Variants in CELF2 observed in about 807,000 individuals in gnomAD.
The protein encoded by CELF2 is CUG triplet repeat RNA-binding protein 2.
CELF2 carries 8 observed loss-of-function variants against 62.6 expected under a neutral mutation model. The ratio of observed to expected loss-of-function variants is 0.13; its 90% CI spans 0.07 to 0.23. The LOEUF (loss-of-function observed/expected upper bound fraction) is 0.23. Among genes scored for constraint, CELF2 ranks in the 10% least tolerant of loss-of-function variants. The probability of loss-of-function intolerance (pLI) is 1.00; values close to 1 mark genes in which losing one functional copy is unlikely to be tolerated. For synonymous variants in CELF2, 258 were observed against 250.0 expected, an observed-to-expected ratio of 1.03 and a Z score of -0.30; for missense variants, 333 against 671.0, an observed-to-expected ratio of 0.50 and a Z score of 5.56.
chr10:11,071,482 G>A (rs1351197185), intron 1 of CELF2: 1 of 152,166 alleles, frequency 6.6e-6, no homozygotes. Flanking sequence ...CACATTTCCT[G>A]ACTTATCTTC....
Position 11,156,303 on chromosome 10 carries a change from C to T in CELF2, c.75-9183C>T, listed in dbSNP as rs192625238. Among the ~76,000 whole-genome samples, 244 of 152,240 alleles carry T rather than the reference C, an allele frequency of 1.6e-3. No individual in the cohort carries two copies. Among genetic ancestry groups the T allele is most frequent in the African/African-American group, 5.1e-3 (210 of 41,540 alleles). ...TTAATAGTGGCGACAGATCACATGA[C>T]GTGTGATTTAATTTTACTGCTTTGA... On this transcript the variant is annotated intron_variant, in intron 1 of 12. Transcript: ENST00000633077. This position sits in a 1 kb window ranked among gnomAD's most constrained non-coding sequence, Gnocchi z 4.3.
chr10:10,998,109 C>G (rs1043612170), intron 2 of CELF2, among the ~76,000 whole-genome samples: 2 of 152,318 alleles, frequency 1.3e-5, no homozygotes, highest in East Asian at 3.9e-4. Context: ...GATTGTGAGG[C>G]CTCCTCAGCC....
intron 1 of CELF2, among the ~76,000 whole-genome samples, chr10:11,056,753 T>G (rs1484334436): frequency 6.6e-6 from 1 of 152,166 alleles, no homozygotes; most frequent in African/African-American, 2.4e-5. Context: ...TTATCTTAGG[T>G]GAAGAAGATA....
intron 1 of CELF2, among the ~76,000 whole-genome samples, chr10:10,852,160 A>T (rs902749550): frequency 3.3e-5 from 5 of 152,248 alleles, no homozygotes; most frequent in African/African-American, 1.2e-4. Flanking sequence ...ATATCCATAG[A>T]GCTTTATCTG....
chr10:10,729,902 T>C, the CELF2 span, among the ~76,000 whole-genome samples: 2 of 152,186 alleles, frequency 1.3e-5, no homozygotes, highest in African/African-American at 4.8e-5. Flanking sequence ...ACTCCTAAGA[T>C]ATAAAATAAA....
At chr10:11,164,269 G>A (rs1232926930) in intron 1 of CELF2, among the ~76,000 whole-genome samples, 1 of 152,080 alleles carries the variant, frequency 6.6e-6, no homozygotes, top group Non-Finnish European at 1.5e-5. Flanking sequence ...GGGGGTAGGG[G>A]GCACAAAAAG....
intron 1 of CELF2, among the ~76,000 whole-genome samples, chr10:11,041,691 G>T (rs371644485): frequency 2.6e-5 from 4 of 152,164 alleles, no homozygotes; most frequent in Non-Finnish European, 5.9e-5. Context: ...TCCTGTGACA[G>T]TTATATAAAG....
chr10:10,653,971 C>G, the CELF2 span, among the ~76,000 whole-genome samples: 1 of 151,478 alleles, frequency 6.6e-6, no homozygotes, highest in Non-Finnish European at 1.5e-5. Context: ...AGACCGCTAG[C>G]AAGACTAATA....
chr10:11,216,477 G>A (rs2063386951), intron 2 of CELF2, among the ~76,000 whole-genome samples: 1 of 152,160 alleles, frequency 6.6e-6, no homozygotes, highest in South Asian at 2.1e-4. Context: ...TCAAAGGTTA[G>A]CATCTTTGTT....
chr10:11,279,965 G>T (rs2139147093), intron 8 of CELF2, among the ~76,000 whole-genome samples: 1 of 152,214 alleles, frequency 6.6e-6, no homozygotes, highest in African/African-American at 2.4e-5. Context: ...GGTTCGAGAG[G>T]TGCCCATCTG....
At chr10:10,511,239 A>G in the CELF2 span, among the ~76,000 whole-genome samples, 1 of 152,130 alleles carries the variant, frequency 6.6e-6, no homozygotes, top group Non-Finnish European at 1.5e-5. Flanking sequence ...GCAAAACTCC[A>G]TCTCTACTGG....
the CELF2 span, among the ~76,000 whole-genome samples, chr10:10,563,644 G>C: frequency 6.7e-6 from 1 of 149,232 alleles, no homozygotes; most frequent in Non-Finnish European, 1.5e-5. Flanking sequence ...GGGGAAGATA[G>C]AGATTCTAAG....
the CELF2 span, among the ~76,000 whole-genome samples, chr10:10,629,921 G>A: frequency 4.9e-5 from 6 of 121,698 alleles, no homozygotes; most frequent in Admixed American, 4.6e-4. Context: ...TTAAACAATA[G>A]CCTATTAGAT....
chr10:10,996,208 A>C (rs1245456710), intron 2 of CELF2, among the ~76,000 whole-genome samples: 1 of 152,198 alleles, frequency 6.6e-6, no homozygotes, highest in Non-Finnish European at 1.5e-5. Flanking sequence ...GCCTGCTGGA[A>C]GCATAAGAGC....
intron 1 of CELF2, among the ~76,000 whole-genome samples, chr10:11,052,314 C>G (rs1010935730): frequency 1.1e-4 from 16 of 152,182 alleles, no homozygotes; most frequent in Non-Finnish European, 4.4e-5. Flanking sequence ...CAGTAGAGAT[C>G]ATTACCTTTT....
the CELF2 span, among the ~76,000 whole-genome samples, chr10:10,462,951 G>A: frequency 1.3e-5 from 2 of 151,974 alleles, no homozygotes; most frequent in African/African-American, 4.8e-5. Flanking sequence ...TTCCTTCCAG[G>A]GATGTTACGG....
At chr10:10,777,073 T>G in the CELF2 span, among the ~76,000 whole-genome samples, 4 of 152,326 alleles carry the variant, frequency 2.6e-5, no homozygotes, top group South Asian at 8.3e-4. Flanking sequence ...TTGTGGCATC[T>G]CTTGTGTGCC....
rs781275493 is a variant in CELF2, at chr10:11,211,811, A to AGTGTGTGT, written c.272-5613_272-5612insTGTGTGTG. Among the ~76,000 whole-genome samples, 1 of 56,044 alleles carries AGTGTGTGT rather than the reference A, an allele frequency of 1.8e-5. No individual in the cohort carries two copies. The highest frequency in any genetic ancestry group is 4.2e-4 in the South Asian group (1 of 2,356). 36.8% of individuals were successfully genotyped at this position (56,044 alleles called of 152,430 possible). The stretch of plus-strand genomic sequence containing the variant: ...GTGTGTGAGAGAGAGAGAGAGAGAG[A>AGTGTGTGT]GAGTGTGTGTGTGTGTGTGTGTGTG... On this transcript the variant is annotated intron_variant, in intron 2 of 12. Transcript: ENST00000633077. This position sits in a 1 kb window ranked among gnomAD's most constrained non-coding sequence, Gnocchi z 4.8.
chr10:11,134,952 G>A (rs1251919524), intron 1 of CELF2, among the ~76,000 whole-genome samples: 1 of 152,230 alleles, frequency 6.6e-6, no homozygotes, highest in Non-Finnish European at 1.5e-5. Context: ...CTACCTTGCA[G>A]TGTCTAGCAT....
Sources: gnomAD v4.1 joint callset for allele counts (sites outside exome capture counted in the v4.1 genomes callset) on GRCh38, gnomAD v4.1.1 for gene constraint, Gnocchi (gnomAD v3.1) non-coding constraint, MANE v1.5 for transcripts, NCBI Gene and HGNC (gene_info 2026-07-23, HGNC 2026-07-21) for gene names.